TMEM245: variants seen among roughly 807,000 people sequenced by gnomAD.
TMEM245 encodes transmembrane protein 245.
TMEM245 carries 69 observed loss-of-function variants against 101.2 expected under a neutral mutation model. The observed-to-expected ratio is 0.68, with a 90% confidence interval of 0.56 to 0.83. TMEM245 has a LOEUF of 0.83. TMEM245 is among the 40% of genes least tolerant of loss of function. TMEM245 has a pLI of 0.00. For synonymous variants in TMEM245, 537 were observed against 449.8 expected (o/e 1.19, Z -2.45); for missense variants, 1,075 against 1,092.8 (o/e 0.98, Z 0.23).
Position 109,108,440 on chromosome 9 carries a change from A to T in TMEM245, c.697+13T>A. 4.3e-6 allele frequency: 6 copies of T among 1,384,638 alleles called. No individual in the cohort carries two copies. Among genetic ancestry groups the T allele is most frequent in the South Asian group, 1.4e-5 (1 of 69,264 alleles). The allele number at this position is 1,384,638 out of a possible 1,614,324, so 85.8% of individuals were successfully genotyped here. ...AGACTTAAAAAAAAAAAAAAAAAAA[A>T]GAAGGAACCCACCTAAATGAAAAAG... On this transcript the variant is annotated intron_variant, in intron 2 of 17. Transcript: ENST00000374586.
At chr9:109,055,185 A>G (rs1828795203) in intron 12 of TMEM245, among the ~76,000 whole-genome samples, 1 of 152,238 alleles carries the variant, frequency 6.6e-6, no homozygotes, top group African/African-American at 2.4e-5. Flanking sequence ...CAACGACTAC[A>G]GTCACAAAAC....
chr9:109,104,934 T>C (rs997494262), intron 3 of TMEM245, among the ~76,000 whole-genome samples: 7 of 152,196 alleles, frequency 4.6e-5, no homozygotes, highest in Non-Finnish European at 1.5e-5. Flanking sequence ...AGGGTAAGTA[T>C]TTACGACCTT....
chr9:109,118,827 G>A (rs1446432618), intron 1 of TMEM245, among the ~76,000 whole-genome samples: 1 of 152,218 alleles, frequency 6.6e-6, no homozygotes, highest in Non-Finnish European at 1.5e-5. Context: ...GGACTTGTAA[G>A]AAATCTAAGA....
rs754403354 is a variant in TMEM245, at chr9:109,119,608, C to T, written c.306G>A (p.Thr102=). The T allele has an allele frequency of 1.0e-4, 163 of 1,557,002 alleles. No individual in the cohort carries two copies. Among genetic ancestry groups the T allele is most frequent in the Middle Eastern group, 1.7e-4 (1 of 5,934 alleles). Residue 102 remains threonine (T), a synonymous_variant, in exon 1 of 18, where the codon ACG becomes ACA. Coordinates refer to ENST00000374586, the MANE Select transcript of TMEM245 (RefSeq NM_032012.4). ...TFLHPFKSSL[T]RLGRHWLQRL... ...GCTGCAGCCAGTGGCGGCCCAGGCG[C>T]GTCAGCGAGCTCTTGAAGGGGTGCA...
chr9:109,089,718 TTA>T, intron 5 of TMEM245, among the ~76,000 whole-genome samples: 1 of 152,136 alleles, frequency 6.6e-6, no homozygotes, highest in Non-Finnish European at 1.5e-5. Context: ...AAAGACAGTT[TTA>T]GAGAGAATCA....
intron 14 of TMEM245, among the ~76,000 whole-genome samples, chr9:109,040,756 G>A (rs963083267): frequency 3.9e-5 from 6 of 152,154 alleles, no homozygotes; most frequent in African/African-American, 1.4e-4. Flanking sequence ...CAACATTGTT[G>A]AGTATATCAG....
At chr9:109,025,720 G>C (rs1827772440) in intron 17 of TMEM245, among the ~76,000 whole-genome samples, 2 of 152,000 alleles carry the variant, frequency 1.3e-5, no homozygotes, top group Admixed American at 6.6e-5. Context: ...CAGAAAGTAT[G>C]CATGACTACA....
rs1047536024 is a variant in TMEM245, at chr9:109,017,247, C to G, written c.*3213G>C. 7.9e-5 allele frequency: 12 copies of G among 152,222 alleles called. No individual in the cohort carries two copies. Among genetic ancestry groups the G allele is most frequent in the Non-Finnish European group, 1.8e-4 (12 of 68,034 alleles). 9.4% of individuals were successfully genotyped at this position (152,222 alleles called of 1,614,324 possible). A position where few individuals can be genotyped will look rare whatever the true frequency, so the allele number is the denominator to read the frequency against. ...CAGAGTTTGTTTACATACAAGGTCTCCATGTAACATGTTGGATTTCTTCCC... is the reference window on the plus strand; with the variant it reads ...CAGAGTTTGTTTACATACAAGGTCTGCATGTAACATGTTGGATTTCTTCCC... On this transcript the variant is annotated 3_prime_UTR_variant, in exon 18 of 18. Transcript: ENST00000374586.
At chr9:109,043,314 A>G (rs981667231) in intron 14 of TMEM245, among the ~76,000 whole-genome samples, 4 of 152,202 alleles carry the variant, frequency 2.6e-5, no homozygotes, top group African/African-American at 9.7e-5. Context: ...AAAGGTGACC[A>G]TGTATGACTT....
At position 109,119,902 on chromosome 9, in the gene TMEM245, G is replaced by A. The variant is rs1436637842; in HGVS notation, c.12C>T (p.Gly4=). 7 of 1,271,782 alleles carry A rather than the reference G, an allele frequency of 5.5e-6. No individual in the cohort carries two copies. The highest frequency in any genetic ancestry group is 6.3e-5 in the South Asian group (2 of 31,776). The allele number at this position is 1,271,782 out of a possible 1,614,324, so 78.8% of individuals were successfully genotyped here. The change falls in exon 1 of 18, where the codon GGC becomes GGT. Residue 4 remains glycine (G), a synonymous_variant. Coordinates refer to ENST00000374586, the MANE Select transcript of TMEM245 (RefSeq NM_032012.4). The stretch of plus-strand genomic sequence containing the variant: ...GGCTTGGCGCGTCCTTAGGGCCGCC[G>A]CCGTCGGCCATCGTTCCTCCGCCAC... The part of the protein sequence containing the change: MAD[G]GGPKDAPSLR...
chr9:109,046,300 C>T (rs1828490016), intron 14 of TMEM245: 1 of 533,944 alleles, frequency 1.9e-6, no homozygotes, highest in Non-Finnish European at 3.8e-6. Flanking sequence ...AATATCTCCA[C>T]CAGAGCAAGC....
In TMEM245 at chr9:109,061,651, C is replaced by T. The variant is rs1829016197; in HGVS notation, c.1624-1199G>A. On this transcript the variant is annotated intron_variant, in intron 10 of 17. Coordinates refer to ENST00000374586, the MANE Select transcript of TMEM245 (RefSeq NM_032012.4). ...GCGCGATCTCGACTCTCATTGCAACCTCTGCCTCCCAGGTTCGAGCAATTC... is the reference window on the plus strand; with the variant it reads ...GCGCGATCTCGACTCTCATTGCAACTTCTGCCTCCCAGGTTCGAGCAATTC... Among the ~76,000 whole-genome samples, 3 of 151,934 alleles carry T rather than the reference C, an allele frequency of 2.0e-5. No homozygotes were observed. In the South Asian group the frequency reaches 6.2e-4, roughly 32 times the overall value.
chr9:109,099,207 G>A (rs947509832), intron 3 of TMEM245, among the ~76,000 whole-genome samples: 4 of 152,112 alleles, frequency 2.6e-5, no homozygotes, highest in Middle Eastern at 3.2e-3. Flanking sequence ...CTAGTATCAC[G>A]TCACAAGGGC....
intron 14 of TMEM245, chr9:109,046,142 T>G: frequency 8.1e-6 from 4 of 492,102 alleles, no homozygotes; most frequent in Non-Finnish European, 1.7e-5. Flanking sequence ...CACTGTCTTA[T>G]CTAATTCATC....
At chr9:109,061,013 G>A (rs571846955) in intron 10 of TMEM245, among the ~76,000 whole-genome samples, 1 of 152,130 alleles carries the variant, frequency 6.6e-6, no homozygotes, top group Admixed American at 6.6e-5. Context: ...ATTATAAAAT[G>A]TTGTCCCACT....
At chr9:109,023,353 G>A (rs1340392779) in intron 17 of TMEM245, among the ~76,000 whole-genome samples, 1 of 152,138 alleles carries the variant, frequency 6.6e-6, no homozygotes, top group South Asian at 2.1e-4. Context: ...TATTCCAGAG[G>A]CATAGCTCTA....
In TMEM245 at chr9:109,082,427, T is replaced by C. The variant is rs78217987; in HGVS notation, c.1345-1484A>G. Among the ~76,000 whole-genome samples the C allele has an allele frequency of 4.2e-4, 64 of 152,330 alleles. 3 individuals are homozygous for C. The East Asian group carries it at 0.012, about 29-fold the overall frequency. On this transcript the variant is annotated intron_variant, in intron 7 of 17. Coordinates refer to ENST00000374586, the MANE Select transcript of TMEM245 (RefSeq NM_032012.4). ...TCTAAAATCAATGAAACTGAAAACT[T>C]TCAATCAGAAACCAATTGAAAACTA...
intron 3 of TMEM245, among the ~76,000 whole-genome samples, chr9:109,104,826 T>C (rs1218775777): frequency 6.6e-6 from 1 of 152,234 alleles, no homozygotes; most frequent in Non-Finnish European, 1.5e-5. Flanking sequence ...AGAATGAGGT[T>C]GGATCCTTAC....
chr9:109,092,746 T>C (rs1344169366), intron 4 of TMEM245, among the ~76,000 whole-genome samples: 3 of 152,182 alleles, frequency 2.0e-5, no homozygotes, highest in Non-Finnish European at 4.4e-5. Context: ...CAGCACAGAC[T>C]AAGGTGGCCT....
Sources: allele counts gnomAD v4.1 joint callset (sites outside exome capture counted in the v4.1 genomes callset), GRCh38; gene constraint gnomAD v4.1.1; transcripts MANE v1.5; gene names NCBI Gene and HGNC (gene_info 2026-07-23, HGNC 2026-07-21).